Variants in TPT1 observed in about 807,000 individuals in gnomAD.
The protein encoded by TPT1 is tumor protein, translationally-controlled 1.
In TPT1, 5 loss-of-function variants were observed where a neutral mutation model predicts 22.8. The observed-to-expected ratio is 0.22, with a 90% CI of 0.11 to 0.46. The LOEUF is 0.46. Ranked by LOEUF, TPT1 falls within the 20% of genes least tolerant of loss-of-function variation. The pLI, the probability that TPT1 is intolerant of heterozygous loss-of-function variation, is 0.99. For missense variants in TPT1, 130 were observed against 218.7 expected (o/e 0.59, Z 2.56); for synonymous variants, 89 against 73.6 (o/e 1.21, Z -1.07).
At chr13:45,339,694 A>G in intron 3 of TPT1, 92 bp from the exon 4 acceptor site, 1 of 1,268,188 alleles carries the variant, frequency 7.9e-7, no homozygotes, top group South Asian at 1.4e-5. Flanking sequence ...AAAAAAGAAA[A>G]CACTGAAAAA....
At chr13:45,339,654 A>C (rs1367272201) in intron 3 of TPT1, 52 bp from the exon 4 acceptor site, 4 of 1,500,652 alleles carry the variant, frequency 2.7e-6, no homozygotes, top group South Asian at 1.2e-5. Flanking sequence ...CAGTAAAATC[A>C]ATTTTTAAAG....
At chr13:45,338,928 T>TG (rs751152175) in intron 4 of TPT1, 152 bp from the exon 5 acceptor site, 41 of 602,952 alleles carry the variant, frequency 6.8e-5, no homozygotes, top group Non-Finnish European at 1.1e-4. Flanking sequence ...CATAGACATC[T>TG]GTTCACTGGA....
In TPT1 at chr13:45,337,127, A is replaced by G. The variant is rs886816042; in HGVS notation, c.*259T>C. 5 of 539,978 alleles carry G rather than the reference A, an allele frequency of 9.3e-6. No individual in the cohort carries two copies. Among genetic ancestry groups the G allele is most frequent in the Non-Finnish European group, 1.3e-5 (4 of 302,660 alleles). The allele number at this position is 539,978 out of a possible 1,614,324, so 33.4% of individuals were successfully genotyped here. ...GCTCTAGCTTCTCCAGGAACACTACAGGATCAATTTAGTTTAAATATGCAT... is the reference window on the plus strand; with the variant it reads ...GCTCTAGCTTCTCCAGGAACACTACGGGATCAATTTAGTTTAAATATGCAT... On this transcript the variant is annotated 3_prime_UTR_variant, in exon 6 of 6. Coordinates refer to ENST00000530705, the MANE Select transcript of TPT1 (RefSeq NM_003295.4).
At chr13:45,340,266 A>T (rs557624361) in intron 2 of TPT1, 82 bp from the exon 3 acceptor site, 149 of 1,484,122 alleles carry the variant, frequency 1.0e-4, no homozygotes, top group Non-Finnish European at 1.2e-4. Context: ...CACGGATAAG[A>T]AGTATTCTTA....
In TPT1 at chr13:45,336,642, C is replaced by G. The variant is rs1878720514; in HGVS notation, c.*744G>C. On this transcript the variant is annotated 3_prime_UTR_variant, in exon 6 of 6. Coordinates refer to ENST00000530705, the MANE Select transcript of TPT1 (RefSeq NM_003295.4). ...CACAGTCAATCCATAAATGAATAAG[C>G]ATAGCCACGTTCCAATAAAACTGGA... The G allele has an allele frequency of 6.6e-6, 1 of 152,248 alleles. No individual in the cohort carries two copies. Among genetic ancestry groups the G allele is most frequent in the Admixed American group, 6.6e-5 (1 of 15,262 alleles). The allele number at this position is 152,248 out of a possible 1,614,324, so 9.4% of individuals were successfully genotyped here. A position where few individuals can be genotyped will look rare whatever the true frequency, so the allele number is the denominator to read the frequency against.
chr13:45,339,853 C>T (rs1348942010), intron 3 of TPT1, 141 bp downstream of exon 3: 3 of 955,978 alleles, frequency 3.1e-6, no homozygotes, highest in East Asian at 5.3e-5. Context: ...GAAAAGCAAC[C>T]ACTCTTTTCC....
In TPT1 at chr13:45,336,183, A is replaced by C. The variant is rs879169255; in HGVS notation, c.*1203T>G. The C allele has an allele frequency of 6.6e-6, 1 of 152,254 alleles. No homozygotes were observed. The highest frequency in any genetic ancestry group is 1.5e-5 in the Non-Finnish European group (1 of 68,074). The allele number at this position is 152,254 out of a possible 1,614,324, so 9.4% of individuals were successfully genotyped here. On this transcript the variant is annotated 3_prime_UTR_variant, in exon 6 of 6. Coordinates refer to ENST00000530705, the MANE Select transcript of TPT1 (RefSeq NM_003295.4). Reference sequence around the variant, plus strand: ...CATAGGGGTGCATGCCTGCAGTCCCAGCAACTAGTGAGACTGAGGTGGGAA... The same window carrying C: ...CATAGGGGTGCATGCCTGCAGTCCCCGCAACTAGTGAGACTGAGGTGGGAA...
rs975293590 is a variant in TPT1, at chr13:45,340,766, G to A, written c.48C>T (p.Asp16=). The A allele has an allele frequency of 8.6e-6, 13 of 1,516,828 alleles. No homozygotes were observed. Among genetic ancestry groups the A allele is most frequent in the Non-Finnish European group, 9.7e-6 (11 of 1,133,524 alleles). 94.0% of individuals were successfully genotyped at this position (1,516,828 alleles called of 1,614,324 possible). A position where few individuals can be genotyped will look rare whatever the true frequency, so the allele number is the denominator to read the frequency against. ...DLISHDEMFS[D]IYKIREIADG... Reference sequence around the variant, plus strand: ...CCGCGATCTCCCGGATCTTGTAGATGTCGGAGAACATCTCATCGTCTGCCG... The same window carrying A: ...CCGCGATCTCCCGGATCTTGTAGATATCGGAGAACATCTCATCGTCTGCCG... The change falls in exon 2 of 6, where the codon GAC becomes GAT. Residue 16 remains aspartate, a synonymous_variant. Coordinates refer to ENST00000530705, the MANE Select transcript of TPT1 (RefSeq NM_003295.4).
Position 45,339,622 on chromosome 13 carries a change from A to C in TPT1, c.294-20T>G. 6.3e-7 allele frequency: 1 copy of C among 1,591,376 alleles called. No individual in the cohort carries two copies. The highest frequency in any genetic ancestry group is 8.6e-7 in the Non-Finnish European group (1 of 1,163,808). ...TTGATTCTAAAACAACATTTCATTA[A>C]CAGGTTGAAGTATTGAATTTTCAGT... On this transcript the variant is annotated intron_variant, in intron 3 of 5. Coordinates refer to ENST00000530705, the MANE Select transcript of TPT1 (RefSeq NM_003295.4).
intron 2 of TPT1, 36 bp from the exon 3 acceptor site, chr13:45,340,220 A>G (rs1878996125): frequency 1.3e-6 from 2 of 1,588,978 alleles, no homozygotes; most frequent in African/African-American, 1.4e-5. Context: ...TGCAAAAGAC[A>G]CAAACGCATC....
chr13:45,339,319 A>C (rs1157143038), intron 4 of TPT1, 178 bp downstream of exon 4: 1 of 495,948 alleles, frequency 2.0e-6, no homozygotes, highest in Admixed American at 3.8e-5. Context: ...AAAACTGAGA[A>C]ATGTCATCTG....
At position 45,337,402 on chromosome 13, in the gene TPT1, A is replaced by G. The variant is rs768255105; in HGVS notation, c.517-14T>C. ...CCACATTTGTTACTGTAAAAGCAAA[A>G]ACTACATTAATATTTTTCAAACATT... On this transcript the variant is annotated splice_polypyrimidine_tract_variant and intron_variant, in intron 5 of 5. Coordinates refer to ENST00000530705, the MANE Select transcript of TPT1 (RefSeq NM_003295.4). The G allele has an allele frequency of 6.2e-7, 1 of 1,614,136 alleles. No homozygotes were observed. The highest frequency in any genetic ancestry group is 8.5e-7 in the Non-Finnish European group (1 of 1,180,020).
rs1878767116 is a variant in TPT1, at chr13:45,337,362, G to A, written c.*24C>T. Reference sequence around the variant, plus strand: ...AAGCCAGTTATGATGACAGGTGATAGATCCAAAATAATTGCCACATTTGTT... The same window carrying A: ...AAGCCAGTTATGATGACAGGTGATAAATCCAAAATAATTGCCACATTTGTT... On this transcript the variant is annotated 3_prime_UTR_variant, in exon 6 of 6. Coordinates refer to ENST00000530705, the MANE Select transcript of TPT1 (RefSeq NM_003295.4). The A allele has an allele frequency of 6.2e-7, 1 of 1,612,896 alleles. No homozygotes were observed. Among genetic ancestry groups the A allele is most frequent in the Non-Finnish European group, 8.5e-7 (1 of 1,179,048 alleles).
Position 45,338,956 on chromosome 13 carries a change from T to C in TPT1, c.400-180A>G, listed in dbSNP as rs2234223. On this transcript the variant is annotated intron_variant, in intron 4 of 5. Coordinates refer to ENST00000530705, the MANE Select transcript of TPT1 (RefSeq NM_003295.4). Reference sequence around the variant, plus strand: ...TCACTGGATTAAGGCACCTTAATAGTGACCTAAATAGAAAAATAACGTACA... The same window carrying C: ...TCACTGGATTAAGGCACCTTAATAGCGACCTAAATAGAAAAATAACGTACA... 2,109 of 505,508 alleles carry C rather than the reference T, an allele frequency of 4.2e-3. 57 individuals are homozygous for C. In the Admixed American group the frequency reaches 0.061, roughly 15 times the overall value. 31.3% of individuals were successfully genotyped at this position (505,508 alleles called of 1,614,324 possible).
rs561238784 is a variant in TPT1, at chr13:45,337,592, G to A, written c.517-204C>T. ...AAAGAACAACAGTAAATTGTTCAAG[G>A]TCTATCAGTGGATGCAGAACACCCT... On this transcript the variant is annotated intron_variant, in intron 5 of 5. Transcript: ENST00000530705. 3.8e-5 allele frequency: 61 copies of A among 1,596,594 alleles called. 1 individual carries two copies. The South Asian group carries it at 6.7e-4, about 18-fold the overall frequency.
At position 45,336,473 on chromosome 13, in the gene TPT1, T is replaced by C. The variant is rs1318873467; in HGVS notation, c.*913A>G. The stretch of plus-strand genomic sequence containing the variant: ...TTTCTTATTCAGACACCCCATCTTT[T>C]CAGATACAATATAGAGAACATTTTT... On this transcript the variant is annotated 3_prime_UTR_variant, in exon 6 of 6. Transcript: ENST00000530705. 1 of 152,222 alleles carries C rather than the reference T, an allele frequency of 6.6e-6. No homozygotes were observed. The highest frequency in any genetic ancestry group is 1.5e-5 in the Non-Finnish European group (1 of 68,048). 9.4% of individuals were successfully genotyped at this position (152,222 alleles called of 1,614,324 possible).
chr13:45,340,067 T>A lies in TPT1; in HGVS notation c.220A>T (p.Met74Leu), dbSNP rs1219350546. The A allele has an allele frequency of 1.2e-6, 2 of 1,614,220 alleles. No homozygotes were observed. Among genetic ancestry groups the A allele is most frequent in the Non-Finnish European group, 1.7e-6 (2 of 1,180,034 alleles). ...STVITGVDIV[M>L]NHHLQETSFT... Reference sequence around the variant, plus strand: ...CTTGTTTCCTGCAGGTGATGGTTCATGACAATATCGACACCAGTGATTACT... The same window carrying A: ...CTTGTTTCCTGCAGGTGATGGTTCAAGACAATATCGACACCAGTGATTACT... Residue 74 changes from methionine to leucine, a missense_variant, in exon 3 of 6, where the codon ATG (methionine) becomes TTG (leucine). Coordinates refer to ENST00000530705, the MANE Select transcript of TPT1 (RefSeq NM_003295.4).
chr13:45,338,103 G>A (rs1053287279), intron 5 of TPT1: 1 of 160,506 alleles, frequency 6.2e-6, no homozygotes, highest in African/African-American at 2.4e-5. Flanking sequence ...GGTGTTCTCT[G>A]ATCTCCTTCA....
chr13:45,337,118 G>T lies in TPT1; in HGVS notation c.*268C>A. 2.0e-6 allele frequency: 1 copy of T among 509,688 alleles called. No individual in the cohort carries two copies. Among genetic ancestry groups the T allele is most frequent in the Non-Finnish European group, 3.5e-6 (1 of 284,928 alleles). The allele number at this position is 509,688 out of a possible 1,614,324, so 31.6% of individuals were successfully genotyped here. On this transcript the variant is annotated 3_prime_UTR_variant, in exon 6 of 6. Coordinates refer to ENST00000530705, the MANE Select transcript of TPT1 (RefSeq NM_003295.4). ...TACAATCAGGCTCTAGCTTCTCCAG[G>T]AACACTACAGGATCAATTTAGTTTA...
Sources: allele counts gnomAD v4.1 joint callset, GRCh38; gene constraint gnomAD v4.1.1; transcripts MANE v1.5; gene names NCBI Gene and HGNC (gene_info 2026-07-23, HGNC 2026-07-21).